The following NLGN1 variants were observed in gnomAD, a reference collection of about 807,000 sequenced individuals.
NLGN1 encodes neuroligin 1.
In NLGN1, 12 loss-of-function variants were observed where a neutral mutation model predicts 65.5. That is an observed-to-expected ratio of 0.18 (90% CI 0.12 to 0.30). The LOEUF is 0.30. Ranked by LOEUF, NLGN1 falls within the 10% of genes least tolerant of loss-of-function variation. The probability of loss-of-function intolerance (pLI) is 1.00; values close to 1 mark genes in which losing one functional copy is unlikely to be tolerated. For missense variants in NLGN1, 750 were observed against 1,007.1 expected, an observed-to-expected ratio of 0.74 and a Z score of 3.46; for synonymous variants, 350 against 359.5, an observed-to-expected ratio of 0.97 and a Z score of 0.30.
intron 4 of NLGN1, among the ~76,000 whole-genome samples, chr3:174,139,779 T>C (rs982617687): frequency 5.9e-5 from 9 of 152,196 alleles, no homozygotes; most frequent in Non-Finnish European, 1.0e-4. Context: ...CATGTGATGT[T>C]GTCAGTGTTC....
rs1182861686 is a variant in NLGN1 at position 174,280,223 on chromosome 3, A to C, written c.1650-258A>C. ...TATGTGAGTATTTAAATAATTCTTT[A>C]AAATCTTTGGGTAGATAGCAGCCCA... On this transcript the variant is annotated intron_variant, in intron 6 of 6. Coordinates refer to ENST00000457714, the Ensembl canonical transcript of NLGN1. This position sits in a 1 kb window ranked among gnomAD's most constrained non-coding sequence, Gnocchi z 4.9. 6.6e-6 allele frequency among the ~76,000 whole-genome samples: 1 copy of C among 151,984 alleles called. No homozygotes were observed. The highest frequency in any genetic ancestry group is 1.5e-5 in the Non-Finnish European group (1 of 67,936).
intron 4 of NLGN1, among the ~76,000 whole-genome samples, chr3:174,018,861 G>A (rs1297596952): frequency 6.6e-6 from 1 of 152,040 alleles, no homozygotes; most frequent in East Asian, 1.9e-4. Flanking sequence ...ATGTGTGTGT[G>A]TGTTAAACCT....
intron 2 of NLGN1, among the ~76,000 whole-genome samples, chr3:173,540,733 A>G (rs1222038904): frequency 2.6e-5 from 4 of 152,162 alleles, no homozygotes; most frequent in African/African-American, 9.7e-5. Flanking sequence ...TCTTGTTGTC[A>G]AACTCCTCCC....
chr3:173,494,122 A>AGTGTGTGTGT (rs63066860), intron 2 of NLGN1, among the ~76,000 whole-genome samples: 19 of 147,962 alleles, frequency 1.3e-4, no homozygotes, highest in East Asian at 4.0e-4. Context: ...GTTATAGGTG[A>AGTGTGTGTGT]GTGTGTGTGT....
intron 4 of NLGN1, among the ~76,000 whole-genome samples, chr3:174,145,919 G>A (rs957953704): frequency 1.3e-5 from 2 of 152,176 alleles, no homozygotes; most frequent in Non-Finnish European, 2.9e-5. Flanking sequence ...AAACTCTTTT[G>A]ACCAAATTTC....
chr3:173,719,644 G>A (rs898232477), intron 3 of NLGN1, among the ~76,000 whole-genome samples: 1 of 152,166 alleles, frequency 6.6e-6, no homozygotes. Flanking sequence ...AAAAAACCTC[G>A]TATAGTTGAT....
At chr3:174,034,568 T>C (rs1730721324) in intron 4 of NLGN1, among the ~76,000 whole-genome samples, 1 of 152,122 alleles carries the variant, frequency 6.6e-6, no homozygotes, top group Non-Finnish European at 1.5e-5. Flanking sequence ...AATACTCCGT[T>C]ATAAATCACC....
chr3:173,997,618 A>T (rs766299754), intron 4 of NLGN1, among the ~76,000 whole-genome samples: 9 of 152,104 alleles, frequency 5.9e-5, no homozygotes, highest in Non-Finnish European at 1.0e-4. Context: ...TAATCATCCC[A>T]TGAGGAAGGT....
At chr3:174,257,551 A>G (rs1045224854) in intron 4 of NLGN1, among the ~76,000 whole-genome samples, 2 of 152,158 alleles carry the variant, frequency 1.3e-5, no homozygotes, top group African/African-American at 4.8e-5. Context: ...ATGGGGGTAC[A>G]TATAGGCCAT....
intron 4 of NLGN1, among the ~76,000 whole-genome samples, chr3:173,841,147 T>TTATA (rs34913436): frequency 0.12 from 17,720 of 149,866 alleles, 1,063 homozygotes; most frequent in Middle Eastern, 0.19. Context: ...ATATCTATAG[T>TTATA]TATATATATA....
Position 174,279,117 on chromosome 3 carries a change from GAT to G in NLGN1, c.1117_1118del (p.Met373GlyfsTer9). 1 of 1,613,402 alleles carries G rather than the reference GAT, an allele frequency of 6.2e-7. No homozygotes were observed. The highest frequency in any genetic ancestry group is 8.5e-7 in the Non-Finnish European group (1 of 1,179,546). On this transcript the variant is annotated frameshift_variant, in exon 6 of 7. Transcript: ENST00000457714. LOFTEE classifies it high-confidence loss of function. This position sits in a 1 kb window ranked among gnomAD's most constrained non-coding sequence, Gnocchi z 4.7. ...TAATACCAGACGACCCCCAGATATTGATGGAGCAAGGAGAGTTTCTCAACTAT... is the reference window on the plus strand; with the variant it reads ...TAATACCAGACGACCCCCAGATATTGGGAGCAAGGAGAGTTTCTCAACTAT...
At chr3:174,197,037 T>G (rs1193382338) in intron 4 of NLGN1, among the ~76,000 whole-genome samples, 1 of 152,020 alleles carries the variant, frequency 6.6e-6, no homozygotes. Flanking sequence ...TTGGAGCGTC[T>G]CCTGTTGCTG....
At chr3:174,285,296 C>T (rs1239385900) in exon 7 of NLGN1, 1 of 151,384 alleles carries the variant, frequency 6.6e-6, no homozygotes, top group African/African-American at 2.4e-5. Context: ...TGGCCTTTTC[C>T]TTCATTTCCA....
At chr3:173,420,255 T>C (rs1301180520) in intron 1 of NLGN1, among the ~76,000 whole-genome samples, 1 of 151,902 alleles carries the variant, frequency 6.6e-6, no homozygotes. Flanking sequence ...GTCCCCGGTG[T>C]GTGATGTTCC....
intron 4 of NLGN1, among the ~76,000 whole-genome samples, chr3:173,817,240 CAT>C (rs780595797): frequency 6.6e-6 from 1 of 152,160 alleles, no homozygotes; most frequent in South Asian, 2.1e-4. Flanking sequence ...AGGTTAAAAA[CAT>C]AGGCAGCAGG....
At chr3:173,932,137 C>G (rs1297586362) in intron 4 of NLGN1, among the ~76,000 whole-genome samples, 1 of 151,728 alleles carries the variant, frequency 6.6e-6, no homozygotes, top group Non-Finnish European at 1.5e-5. Flanking sequence ...GCATTTGTGT[C>G]TAGGTGAGCA....
At chr3:174,209,920 C>T (rs988457424) in intron 4 of NLGN1, among the ~76,000 whole-genome samples, 7 of 151,940 alleles carry the variant, frequency 4.6e-5, no homozygotes, top group African/African-American at 7.3e-5. Flanking sequence ...CGTGAACCAC[C>T]GCGCCTGGCT....
intron 3 of NLGN1, among the ~76,000 whole-genome samples, chr3:173,627,832 T>G (rs1267982355): frequency 6.6e-6 from 1 of 151,992 alleles, no homozygotes; most frequent in Non-Finnish European, 1.5e-5. Context: ...TTCATTCAGC[T>G]GAGACTCTTC....
intron 3 of NLGN1, among the ~76,000 whole-genome samples, chr3:173,717,341 G>A (rs946499299): frequency 2.0e-5 from 3 of 152,114 alleles, no homozygotes; most frequent in Non-Finnish European, 4.4e-5. Context: ...TCTTCAGGAA[G>A]GTACATTGAC....
Sources: gnomAD v4.1 joint callset for allele counts (sites outside exome capture counted in the v4.1 genomes callset) on GRCh38, gnomAD v4.1.1 for gene constraint, Gnocchi (gnomAD v3.1) non-coding constraint, MANE v1.5 for transcripts, NCBI Gene and HGNC (gene_info 2026-07-23, HGNC 2026-07-21) for gene names.